NTN1: variants seen among roughly 807,000 people sequenced by gnomAD.
The protein encoded by NTN1 is netrin 1.
Under a neutral mutation model 54.2 loss-of-function variants are expected in NTN1, and 11 were observed. The observed-to-expected ratio is 0.20, with a 90% confidence interval of 0.13 to 0.34. The LOEUF is 0.34. Ranked by LOEUF, NTN1 falls within the 10% of genes least tolerant of loss-of-function variation. The probability of loss-of-function intolerance (pLI) is 1.00; values close to 1 mark genes in which losing one functional copy is unlikely to be tolerated. For synonymous variants in NTN1, 371 were observed against 382.0 expected, an observed-to-expected ratio of 0.97 and a Z score of 0.33; for missense variants, 740 against 893.1, an observed-to-expected ratio of 0.83 and a Z score of 2.18.
chr17:9,182,125 G>A lies in NTN1; in HGVS notation c.1358-791G>A, dbSNP rs1283168746. 3.3e-5 allele frequency among the ~76,000 whole-genome samples: 5 copies of A among 152,142 alleles called. No homozygotes were observed. In the East Asian group the frequency reaches 5.8e-4, roughly 18 times the overall value. ...CCTGAGTGGCTGGGACTACAGGTGC[G>A]TGCCACCACGCCTGGCTGATTTGTT... On this transcript the variant is annotated intron_variant, in intron 4 of 6. Transcript: ENST00000173229.
chr17:9,113,633 G>A (rs960550379), intron 2 of NTN1, among the ~76,000 whole-genome samples: 3 of 152,120 alleles, frequency 2.0e-5, no homozygotes, highest in Admixed American at 6.6e-5. Flanking sequence ...AGCAGACTTT[G>A]CTCAGGAGAG....
chr17:9,149,048 C>T (rs2092320745), intron 2 of NTN1, among the ~76,000 whole-genome samples: 1 of 152,104 alleles, frequency 6.6e-6, no homozygotes. Context: ...GCACCAGCCT[C>T]TCCCACTGCC....
intron 5 of NTN1, among the ~76,000 whole-genome samples, chr17:9,203,014 C>T (rs997747120): frequency 8.5e-5 from 13 of 152,154 alleles, no homozygotes; most frequent in Admixed American, 2.0e-4. Flanking sequence ...CTCCGCCTTC[C>T]GGGTTCACAC....
rs146772033 is a variant in NTN1 at position 9,027,886 on chromosome 17, G to A, written c.1018+4495G>A. Among the ~76,000 whole-genome samples the A allele has an allele frequency of 7.5e-3, 1,148 of 152,178 alleles. 14 individuals are homozygous for A. Among genetic ancestry groups the A allele is most frequent in the African/African-American group, 0.026 (1,093 of 41,478 alleles). ...TCTCTTTCAAAGGTGGCGAAGCTGA[G>A]CTGTGGGTAGTCAGAACCCCTCTTT... is the stretch of plus-strand genomic sequence containing the variant. On this transcript the variant is annotated intron_variant, in intron 2 of 6. Coordinates refer to ENST00000173229, the MANE Select transcript of NTN1 (RefSeq NM_004822.3).
At chr17:9,031,491 G>A (rs936179750) in intron 2 of NTN1, among the ~76,000 whole-genome samples, 1 of 152,162 alleles carries the variant, frequency 6.6e-6, no homozygotes, top group Admixed American at 6.5e-5. Context: ...TAACTCCTTA[G>A]GCAGAATTAG....
chr17:9,221,849 C>T lies in NTN1; in HGVS notation c.1486+607C>T, dbSNP rs1424474202. Among the ~76,000 whole-genome samples, 1 of 152,156 alleles carries T rather than the reference C, an allele frequency of 6.6e-6. No homozygotes were observed. Among genetic ancestry groups the T allele is most frequent in the Non-Finnish European group, 1.5e-5 (1 of 68,024 alleles). On this transcript the variant is annotated intron_variant, in intron 6 of 6. Transcript: ENST00000173229. This position sits in a 1 kb window ranked among gnomAD's most constrained non-coding sequence, Gnocchi z 4.5. Reference sequence around the variant, plus strand: ...CCTTCCCGGGAAGGGTGTGTCCTGTCCCCTTGCTCTCATGGTGGTCGTGGA... The same window carrying T: ...CCTTCCCGGGAAGGGTGTGTCCTGTTCCCTTGCTCTCATGGTGGTCGTGGA...
At position 9,236,173 on chromosome 17, in the gene NTN1, G is replaced by A. The variant is rs186126476; in HGVS notation, c.1487-3467G>A. ...AACCTTGATAGGGTCTAAGAGGCCC[G>A]TCCTCGAGGCCATGGTCCTAAGATG... On this transcript the variant is annotated intron_variant, in intron 6 of 6. Transcript: ENST00000173229. Among the ~76,000 whole-genome samples, 482 of 151,782 alleles carry A rather than the reference G, an allele frequency of 3.2e-3. 1 individual carries two copies. The highest frequency in any genetic ancestry group is 8.5e-3 in the South Asian group (41 of 4,814).
intron 2 of NTN1, among the ~76,000 whole-genome samples, chr17:9,150,623 C>T (rs764549902): frequency 6.6e-6 from 1 of 152,182 alleles, no homozygotes; most frequent in Non-Finnish European, 1.5e-5. Context: ...GCCCGCCCGC[C>T]GGGCAGGCGG....
chr17:9,219,145 C>T lies in NTN1; in HGVS notation c.1412-2023C>T, dbSNP rs570314194. ...GAGCTGGCAAAGATGTGGCCCAGAG[C>T]GGCTGTTCCTCACAGGGAAGTGCGG... On this transcript the variant is annotated intron_variant, in intron 5 of 6. Transcript: ENST00000173229. The surrounding 1 kb of genome is among the most constrained non-coding windows in gnomAD (Gnocchi z 4.5). Among the ~76,000 whole-genome samples, 3 of 152,196 alleles carry T rather than the reference C, an allele frequency of 2.0e-5. No homozygotes were observed. Among genetic ancestry groups the T allele is most frequent in the Non-Finnish European group, 2.9e-5 (2 of 68,024 alleles).
Position 9,161,890 on chromosome 17 carries a change from AATG to A in NTN1, c.1019-919_1019-917del, listed in dbSNP as rs1312675280. Among the ~76,000 whole-genome samples, 18 of 148,220 alleles carry A rather than the reference AATG, an allele frequency of 1.2e-4. No individual in the cohort carries two copies. In the East Asian group the frequency reaches 3.5e-3, roughly 29 times the overall value. Reference sequence around the variant, plus strand: ...CCTGAGGGCAGGATGGTAAGGAGTGAATGATGTCGGGCAGGTGACTCTGGGTTC... The same window carrying A: ...CCTGAGGGCAGGATGGTAAGGAGTGAATGTCGGGCAGGTGACTCTGGGTTC... On this transcript the variant is annotated intron_variant, in intron 2 of 6. Transcript: ENST00000173229.
At chr17:9,152,168 T>TGA (rs1249270366) in intron 2 of NTN1, among the ~76,000 whole-genome samples, 8 of 152,118 alleles carry the variant, frequency 5.3e-5, no homozygotes, top group Non-Finnish European at 1.0e-4. Flanking sequence ...CGTGCCACCT[T>TGA]TAAGAGCTGT....
chr17:9,114,166 A>ATATATATATATATATATATATATATATAT (rs59456522), intron 2 of NTN1, among the ~76,000 whole-genome samples: 1 of 74,616 alleles, frequency 1.3e-5, no homozygotes, highest in Admixed American at 1.5e-4. Flanking sequence ...AAAAAAAAAA[A>ATATATATATATATATATATATATATATAT]ATATATATAT....
intron 5 of NTN1, among the ~76,000 whole-genome samples, chr17:9,201,013 T>C (rs924312278): frequency 6.6e-6 from 1 of 152,132 alleles, no homozygotes. Context: ...GGGCTGCTGT[T>C]TTTTTTAATG....
chr17:9,129,219 A>G (rs1312799823), intron 2 of NTN1, among the ~76,000 whole-genome samples: 1 of 152,026 alleles, frequency 6.6e-6, no homozygotes, highest in East Asian at 1.9e-4. Flanking sequence ...TCTGCTGGGG[A>G]CGCCATTCAG....
At chr17:9,148,032 G>T (rs2092318592) in intron 2 of NTN1, among the ~76,000 whole-genome samples, 1 of 152,126 alleles carries the variant, frequency 6.6e-6, no homozygotes, top group Non-Finnish European at 1.5e-5. Flanking sequence ...TTCCACATGG[G>T]GATCTTTGCA....
intron 2 of NTN1, among the ~76,000 whole-genome samples, chr17:9,146,906 TG>T (rs1297249888): frequency 6.6e-6 from 1 of 152,108 alleles, no homozygotes; most frequent in African/African-American, 2.4e-5. Flanking sequence ...CTGGTGCTTC[TG>T]GGTAATACCC....
At chr17:9,186,525 C>T (rs1355579330) in intron 5 of NTN1, among the ~76,000 whole-genome samples, 1 of 152,276 alleles carries the variant, frequency 6.6e-6, no homozygotes, top group African/African-American at 2.4e-5. Flanking sequence ...GAGGCACTCA[C>T]CCCATCGGGG....
intron 2 of NTN1, among the ~76,000 whole-genome samples, chr17:9,120,336 G>C (rs1362614882): frequency 6.6e-6 from 1 of 151,230 alleles, no homozygotes; most frequent in African/African-American, 2.4e-5. Context: ...CATGGGAAAT[G>C]CTGTGCAACT....
At chr17:9,163,472 C>T (rs1374648214) in intron 3 of NTN1, among the ~76,000 whole-genome samples, 5 of 74,814 alleles carry the variant, frequency 6.7e-5, no homozygotes, top group East Asian at 6.9e-4. Context: ...CTCACTCCCC[C>T]CCGAAACACA....
Sources: allele counts gnomAD v4.1 joint callset (sites outside exome capture counted in the v4.1 genomes callset), GRCh38; gene constraint gnomAD v4.1.1; non-coding constraint Gnocchi (gnomAD v3.1); transcripts MANE v1.5; gene names NCBI Gene and HGNC (gene_info 2026-07-23, HGNC 2026-07-21).